The following CUL4A variants were observed in gnomAD, a reference collection of about 807,000 sequenced individuals.
The protein encoded by CUL4A is cullin 4A.
A neutral mutation model predicts 95.5 loss-of-function variants in CUL4A; 16 were observed. The observed-to-expected ratio is 0.17, with a 90% CI of 0.11 to 0.25. CUL4A has a LOEUF of 0.25. Ranked by LOEUF, CUL4A falls within the 10% of genes least tolerant of loss-of-function variation. The pLI is 1.00. For missense variants in CUL4A, 610 were observed against 937.0 expected, an observed-to-expected ratio of 0.65 and a Z score of 4.56; for synonymous variants, 380 against 353.1, an observed-to-expected ratio of 1.08 and a Z score of -0.85.
At chr13:113,232,348 C>T (rs1453997801) in intron 5 of CUL4A, among the ~76,000 whole-genome samples, 1 of 151,924 alleles carries the variant, frequency 6.6e-6, no homozygotes, top group Admixed American at 6.6e-5. Context: ...GTCACCGCCA[C>T]CACCGCTATT....
At chr13:113,232,956 G>A (rs539938546) in intron 5 of CUL4A, among the ~76,000 whole-genome samples, 36 of 152,258 alleles carry the variant, frequency 2.4e-4, no homozygotes, top group African/African-American at 7.5e-4. Context: ...ACCTAGCAGC[G>A]TCTCCAGGAA....
chr13:113,221,863 A>C (rs541273142), intron 3 of CUL4A, among the ~76,000 whole-genome samples: 61 of 152,344 alleles, frequency 4.0e-4, no homozygotes, highest in South Asian at 3.9e-3. Context: ...GGCGTGAGCC[A>C]CCGCGTCTGG....
Position 113,244,420 on chromosome 13 carries a change from G to T in CUL4A, c.1239G>T (p.Val413=). 1 of 1,612,854 alleles carries T rather than the reference G, an allele frequency of 6.2e-7. No homozygotes were observed. The highest frequency in any genetic ancestry group is 8.5e-7 in the Non-Finnish European group (1 of 1,179,294). The change falls in exon 12 of 20, where the codon GTG becomes GTT. Residue 413 remains valine, a synonymous_variant. Coordinates refer to ENST00000375440, the MANE Select transcript of CUL4A (RefSeq NM_001008895.4). ...TGTTTATGCTCACAGCAAAGCATGT[G>T]GATTCAAAGTTAAGAGCAGGCAACA... ...NKPAELIAKH[V]DSKLRAGNKE...
At chr13:113,235,380 G>C (rs1430730494) in intron 8 of CUL4A, among the ~76,000 whole-genome samples, 1 of 152,170 alleles carries the variant, frequency 6.6e-6, no homozygotes, top group African/African-American at 2.4e-5. Context: ...TGAGATACTT[G>C]GCATCTTTGA....
Position 113,219,054 on chromosome 13 carries a change from C to CT in CUL4A, c.368+13dup, listed in dbSNP as rs991140651. On this transcript the variant is annotated splice_region_variant and intron_variant, in intron 3 of 19. Transcript: ENST00000375440. ...CAGATCCTTCCGTTTAGAGAATATC[C>CT]TTTTTTTGGTTCATAAAGTTTCTAT... The CT allele has an allele frequency of 4.4e-6, 7 of 1,573,812 alleles. No homozygotes were observed. Among genetic ancestry groups the CT allele is most frequent in the Non-Finnish European group, 6.0e-6 (7 of 1,158,030 alleles).
intron 2 of CUL4A, among the ~76,000 whole-genome samples, chr13:113,218,363 C>G (rs769064334): frequency 6.6e-6 from 1 of 152,210 alleles, no homozygotes; most frequent in Non-Finnish European, 1.5e-5. Context: ...ACAATACAGT[C>G]TGGCCTGTGT....
chr13:113,241,856 T>G (rs1324286023), intron 10 of CUL4A, among the ~76,000 whole-genome samples: 1 of 151,884 alleles, frequency 6.6e-6, no homozygotes, highest in East Asian at 1.9e-4. Flanking sequence ...CGCGTGTGTG[T>G]GTGATGTGTG....
chr13:113,245,707 TAAA>T (rs1439370640), intron 14 of CUL4A, among the ~76,000 whole-genome samples: 1 of 152,180 alleles, frequency 6.6e-6, no homozygotes, highest in Non-Finnish European at 1.5e-5. Context: ...AAGTAAATTT[TAAA>T]AGAAGAAAAA....
chr13:113,256,406 T>G (rs778273527), intron 18 of CUL4A, among the ~76,000 whole-genome samples: 3 of 152,116 alleles, frequency 2.0e-5, no homozygotes, highest in Non-Finnish European at 4.4e-5. Context: ...ACTTGTTAGA[T>G]TGTTTCTTTA....
chr13:113,212,062 A>T (rs2040468884), intron 2 of CUL4A, among the ~76,000 whole-genome samples: 1 of 152,206 alleles, frequency 6.6e-6, no homozygotes, highest in Non-Finnish European at 1.5e-5. Context: ...TTTCCCTCTG[A>T]TGCTAAGCAT....
intron 11 of CUL4A, 126 bp from the exon 12 acceptor site, chr13:113,244,284 T>G: frequency 1.5e-6 from 1 of 677,312 alleles, no homozygotes; most frequent in Non-Finnish European, 2.5e-6. Flanking sequence ...AAATCAGATA[T>G]TTGTTTTTTT....
At chr13:113,250,594 A>G (rs1413099218) in intron 15 of CUL4A, among the ~76,000 whole-genome samples, 1 of 152,208 alleles carries the variant, frequency 6.6e-6, no homozygotes, top group Non-Finnish European at 1.5e-5. Flanking sequence ...CATTATGATG[A>G]TAATTATCCT....
chr13:113,256,756 A>G (rs1306356495), intron 18 of CUL4A, among the ~76,000 whole-genome samples: 3 of 152,306 alleles, frequency 2.0e-5, no homozygotes, highest in Non-Finnish European at 4.4e-5. Context: ...CACACCTGTA[A>G]GCACTTCATA....
chr13:113,265,922 CTG>C lies in CUL4A; in HGVS notation c.*2343_*2344del, dbSNP rs2042389980. The C allele has an allele frequency of 6.6e-6, 1 of 152,180 alleles. No homozygotes were observed. Among genetic ancestry groups the C allele is most frequent in the Non-Finnish European group, 1.5e-5 (1 of 68,036 alleles). 9.4% of individuals were successfully genotyped at this position (152,180 alleles called of 1,614,324 possible). On this transcript the variant is annotated 3_prime_UTR_variant, in exon 20 of 20. Coordinates refer to ENST00000375440, the MANE Select transcript of CUL4A (RefSeq NM_001008895.4). ...GGTCATCTAAGGAGCAAATGAAAAT[CTG>C]TGACTGAAGAAAGAATTCACCAAGT...
intron 8 of CUL4A, 35 bp from the exon 9 acceptor site, chr13:113,236,786 CTT>C: frequency 6.9e-7 from 1 of 1,448,780 alleles, no homozygotes; most frequent in Non-Finnish European, 9.6e-7. Flanking sequence ...CTTCTTTAAA[CTT>C]TACTTCTAAC....
chr13:113,246,375 G>C (rs1418145178), intron 15 of CUL4A, among the ~76,000 whole-genome samples: 1 of 152,156 alleles, frequency 6.6e-6, no homozygotes, highest in Non-Finnish European at 1.5e-5. Flanking sequence ...TTCCATTGTA[G>C]ACAGTGCTGA....
Position 113,253,182 on chromosome 13 carries a change from C to T in CUL4A, c.1739C>T (p.Ala580Val), listed in dbSNP as rs765132181. 5.1e-6 allele frequency: 8 copies of T among 1,573,902 alleles called. No individual in the cohort carries two copies. Among genetic ancestry groups the T allele is most frequent in the East Asian group, 2.3e-5 (1 of 43,830 alleles). ...QTTLGHAVLKAEFKEGKKEFQ... is the reference protein window; with the variant it reads ...QTTLGHAVLKVEFKEGKKEFQ... ...ACTTTGGGACATGCTGTTTTAAAAG[C>T]GGAGTTTAAAGAAGTAAGTTGTCTG... is the stretch of plus-strand genomic sequence containing the variant. The change falls in exon 16 of 20, where the codon GCG (alanine) becomes GTG (valine). Residue 580 changes from alanine (A) to valine (V), a missense_variant. By Grantham distance (64) the Ala-to-Val change is moderately conservative. This residue lies in a region of CUL4A where 72 missense variants were observed against 93.2 expected (regional missense o/e 0.77). Coordinates refer to ENST00000375440, the MANE Select transcript of CUL4A (RefSeq NM_001008895.4).
At chr13:113,242,649 G>C (rs1409943650) in intron 10 of CUL4A, among the ~76,000 whole-genome samples, 1 of 152,036 alleles carries the variant, frequency 6.6e-6, no homozygotes, top group African/African-American at 2.4e-5. Context: ...GGCCAGATGT[G>C]GTGGCCTGAG....
chr13:113,240,452 G>C (rs34989271), intron 10 of CUL4A, among the ~76,000 whole-genome samples: 1 of 152,036 alleles, frequency 6.6e-6, no homozygotes. Context: ...CAGATAGCTC[G>C]TGTTTTCAGG....
Sources: gnomAD v4.1 joint callset for allele counts (sites outside exome capture counted in the v4.1 genomes callset) on GRCh38, gnomAD v4.1.1 for gene constraint, gnomAD v4.1.1 regional missense constraint, MANE v1.5 for transcripts, NCBI Gene and HGNC (gene_info 2026-07-23, HGNC 2026-07-21) for gene names.